GUCY2F: variants seen among roughly 807,000 people sequenced by gnomAD.
The protein encoded by GUCY2F is retinal guanylyl cyclase 2.
Under a neutral mutation model 73.1 loss-of-function variants are expected in GUCY2F, and 61 were observed. The ratio of observed to expected loss-of-function variants is 0.83; its 90% CI spans 0.68 to 1.03. The LOEUF (loss-of-function observed/expected upper bound fraction) is 1.03, where lower values mean the gene tolerates loss of function less well. Among genes scored for constraint, GUCY2F ranks in the 50% least tolerant of loss-of-function variants. The pLI is 0.00. For missense variants in GUCY2F, 912 were observed against 854.3 expected, an observed-to-expected ratio of 1.07 and a Z score of -0.84; for synonymous variants, 331 against 307.8, an observed-to-expected ratio of 1.08 and a Z score of -0.79.
chrX:109,415,892 G>T (rs954874458), intron 8 of GUCY2F, among the ~76,000 whole-genome samples: 2 of 111,867 alleles, frequency 1.8e-5, no homozygotes, highest in South Asian at 3.7e-4. Flanking sequence ...AACAAAGTCA[G>T]AAGACAATTG....
intron 10 of GUCY2F, among the ~76,000 whole-genome samples, chrX:109,403,700 C>T (rs747422394): frequency 8.9e-6 from 1 of 112,309 alleles, no homozygotes; most frequent in Admixed American, 9.4e-5. Context: ...TCTTTGGACA[C>T]ACCAAGGACC....
chrX:109,409,725 G>A (rs571611504), intron 8 of GUCY2F, among the ~76,000 whole-genome samples: 2 of 111,183 alleles, frequency 1.8e-5, no homozygotes, highest in African/African-American at 6.5e-5. Flanking sequence ...TAAGTTTCAC[G>A]AGATCTGATG....
At position 109,399,458 on chromosome X, in the gene GUCY2F, G is replaced by A. The variant is rs146091172; in HGVS notation, c.2126-760C>T. 9.6e-4 allele frequency among the ~76,000 whole-genome samples: 108 copies of A among 112,609 alleles called. 1 individual carries two copies. In the East Asian group the frequency reaches 0.021, roughly 22 times the overall value. ...TGTGCTCTGCTGCATTTCAGGCCCC[G>A]TCAGGGACAAAACATTATTTCTGCA... On this transcript the variant is annotated intron_variant, in intron 10 of 19. Transcript: ENST00000218006.
intron 5 of GUCY2F, among the ~76,000 whole-genome samples, chrX:109,450,730 G>A (rs938387727): frequency 4.5e-5 from 5 of 111,961 alleles, no homozygotes; most frequent in Admixed American, 1.9e-4. Context: ...ACGACTCTGT[G>A]CGACTTTATC....
At chrX:109,423,081 C>T (rs1355228919) in intron 8 of GUCY2F, among the ~76,000 whole-genome samples, 1 of 111,818 alleles carries the variant, frequency 8.9e-6, no homozygotes, top group African/African-American at 3.2e-5. Context: ...CTCTGGTTTT[C>T]GGTGAACACA....
intron 11 of GUCY2F, among the ~76,000 whole-genome samples, chrX:109,396,148 C>T (rs1603379796): frequency 2.7e-5 from 3 of 111,226 alleles, no homozygotes; most frequent in South Asian, 7.7e-4. Context: ...GTAACTTACC[C>T]GAGGTCACAT....
In GUCY2F at chrX:109,453,927, G is replaced by T. The variant is rs188873528; in HGVS notation, c.1033-68C>A. On this transcript the variant is annotated intron_variant, in intron 3 of 19. Transcript: ENST00000218006. ...AGAGCGATCTCAGAGTATATTCCAAGCCTGTGTTCATTATTATGGTCTGCA... is the reference window on the plus strand; with the variant it reads ...AGAGCGATCTCAGAGTATATTCCAATCCTGTGTTCATTATTATGGTCTGCA... The T allele has an allele frequency of 7.5e-3, 4,408 of 587,055 alleles. 15 individuals are homozygous for T. The highest frequency in any genetic ancestry group is 8.4e-3 in the Non-Finnish European group (3,195 of 378,914). The allele number at this position is 587,055 out of a possible 1,213,427, so 48.4% of individuals were successfully genotyped here.
At position 109,476,004 on chromosome X, in the gene GUCY2F, G is replaced by A; in HGVS notation, c.-68C>T. 4.0e-6 allele frequency: 4 copies of A among 1,004,631 alleles called. No homozygotes were observed. Among genetic ancestry groups the A allele is most frequent in the Non-Finnish European group, 5.4e-6 (4 of 747,308 alleles). The allele number at this position is 1,004,631 out of a possible 1,213,427, so 82.8% of individuals were successfully genotyped here. A position where few individuals can be genotyped will look rare whatever the true frequency, so the allele number is the denominator to read the frequency against. Reference sequence around the variant, plus strand: ...GTTATTCTGCTTTCCCGACACAGACGGTGGTGTTTCCAAATGCCTGTCAAT... The same window carrying A: ...GTTATTCTGCTTTCCCGACACAGACAGTGGTGTTTCCAAATGCCTGTCAAT... On this transcript the variant is annotated 5_prime_UTR_variant, in exon 2 of 20. Transcript: ENST00000218006.
intron 8 of GUCY2F, among the ~76,000 whole-genome samples, chrX:109,422,425 A>C (rs772475353): frequency 8.9e-6 from 1 of 111,842 alleles, no homozygotes; most frequent in Non-Finnish European, 1.9e-5. Flanking sequence ...TTTAATGGGT[A>C]CAGAAATTCA....
intron 8 of GUCY2F, among the ~76,000 whole-genome samples, chrX:109,420,538 G>A: frequency 9.0e-6 from 1 of 111,093 alleles, no homozygotes; most frequent in Non-Finnish European, 1.9e-5. Context: ...ACAAGCCACA[G>A]ATTGAGAAAA....
At position 109,476,026 on chromosome X, in the gene GUCY2F, C is replaced by A; in HGVS notation, c.-85-5G>T. On this transcript the variant is annotated splice_region_variant and splice_polypyrimidine_tract_variant and intron_variant, in intron 1 of 19. Transcript: ENST00000218006. ...GACGGTGGTGTTTCCAAATGCCTGT[C>A]AATCAGAGGAAAAGGTTTGTTACTC... 3.8e-6 allele frequency: 3 copies of A among 783,808 alleles called. No individual in the cohort carries two copies. The highest frequency in any genetic ancestry group is 3.5e-5 in the South Asian group (1 of 28,488). The allele number at this position is 783,808 out of a possible 1,213,427, so 64.6% of individuals were successfully genotyped here.
At chrX:109,478,322 A>C (rs1932736136) in intron 1 of GUCY2F, among the ~76,000 whole-genome samples, 1 of 112,012 alleles carries the variant, frequency 8.9e-6, no homozygotes, top group South Asian at 3.7e-4. Flanking sequence ...AAAATTTGGG[A>C]GGCAGGACAC....
rs773932521 is a variant in GUCY2F at position 109,453,492 on chromosome X, T to A, written c.1387+13A>T. The A allele has an allele frequency of 8.9e-7, 1 of 1,120,953 alleles. No homozygotes were observed. Among genetic ancestry groups the A allele is most frequent in the Non-Finnish European group, 1.2e-6 (1 of 821,857 alleles). The allele number at this position is 1,120,953 out of a possible 1,213,427, so 92.4% of individuals were successfully genotyped here. ...TGAGCCAAATTGACTACTAGTGATT[T>A]TGCATTCCTTACCTCCATGGCAGAT... is the stretch of plus-strand genomic sequence containing the variant. On this transcript the variant is annotated intron_variant, in intron 4 of 19. Coordinates refer to ENST00000218006, the MANE Select transcript of GUCY2F (RefSeq NM_001522.3).
At position 109,448,099 on chromosome X, in the gene GUCY2F, T is replaced by C. The variant is rs1326637648; in HGVS notation, c.1539A>G (p.Val513=). 2 of 1,113,307 alleles carry C rather than the reference T, an allele frequency of 1.8e-6. No individual in the cohort carries two copies. The highest frequency in any genetic ancestry group is 2.5e-6 in the Non-Finnish European group (2 of 806,243). The allele number at this position is 1,113,307 out of a possible 1,213,427, so 91.7% of individuals were successfully genotyped here. ...PNRILLTLED[V]TFINPHFGSK... is the part of the protein sequence containing the mutation. Reference sequence around the variant, plus strand: ...TGCCAAAGTGGGGATTGATAAACGTTACATCCTCCAAAGTCAGTAGAATTC... The same window carrying C: ...TGCCAAAGTGGGGATTGATAAACGTCACATCCTCCAAAGTCAGTAGAATTC... Residue 513 remains valine, a synonymous_variant, in exon 6 of 20, where the codon GTA becomes GTG. Coordinates refer to ENST00000218006, the MANE Select transcript of GUCY2F (RefSeq NM_001522.3).
At chrX:109,421,257 T>C (rs894494135) in intron 8 of GUCY2F, among the ~76,000 whole-genome samples, 1 of 111,621 alleles carries the variant, frequency 9.0e-6, no homozygotes, top group African/African-American at 3.2e-5. Flanking sequence ...TCCAGATATA[T>C]GTACAAAAGA....
chrX:109,391,526 T>C (rs1313532729), intron 14 of GUCY2F, among the ~76,000 whole-genome samples: 1 of 111,922 alleles, frequency 8.9e-6, no homozygotes, highest in Non-Finnish European at 1.9e-5. Flanking sequence ...TCACCACCTA[T>C]GGGCAAAACA....
At chrX:109,375,861 G>C (rs1253717774) in intron 19 of GUCY2F, 37 bp downstream of exon 19, 2 of 1,055,108 alleles carry the variant, frequency 1.9e-6, no homozygotes, top group Admixed American at 4.4e-5. Flanking sequence ...TGAAAATTTG[G>C]CAAGCTGCTG....
At chrX:109,423,387 A>G (rs1355454076) in intron 8 of GUCY2F, among the ~76,000 whole-genome samples, 1 of 111,215 alleles carries the variant, frequency 9.0e-6, no homozygotes, top group East Asian at 2.8e-4. Flanking sequence ...TGATATGGGC[A>G]TTTCAACGTG....
chrX:109,435,340 C>G (rs1367440636), intron 7 of GUCY2F, among the ~76,000 whole-genome samples: 3 of 105,795 alleles, frequency 2.8e-5, no homozygotes, highest in African/African-American at 1.0e-4. Context: ...AGAGGTCCTT[C>G]ACATCCCTTG....
Sources: gnomAD v4.1 joint callset for allele counts (sites outside exome capture counted in the v4.1 genomes callset) on GRCh38, gnomAD v4.1.1 for gene constraint, MANE v1.5 for transcripts, NCBI Gene and HGNC (gene_info 2026-07-23, HGNC 2026-07-21) for gene names.